Variants in TMEM266 observed in about 807,000 individuals in gnomAD.
TMEM266 encodes the protein Hv1 related protein 1.
Under a neutral mutation model 50.5 loss-of-function variants are expected in TMEM266, and 33 were observed. The ratio of observed to expected loss-of-function variants is 0.65; its 90% CI spans 0.50 to 0.87. TMEM266 has a LOEUF of 0.87. TMEM266 is among the 40% of genes least tolerant of loss of function. The probability of loss-of-function intolerance (pLI) is 0.00; values close to 1 mark genes in which losing one functional copy is unlikely to be tolerated. For missense variants in TMEM266, 655 were observed against 695.1 expected (o/e 0.94, Z 0.65); for synonymous variants, 310 against 292.3 (o/e 1.06, Z -0.62).
At chr15:76,127,507 A>G (rs1322609839) in intron 1 of TMEM266, among the ~76,000 whole-genome samples, 1 of 152,046 alleles carries the variant, frequency 6.6e-6, no homozygotes, top group South Asian at 2.1e-4. Flanking sequence ...TTGTATTTTT[A>G]GTAGAGATGA....
At chr15:76,118,284 G>A (rs974009459) in intron 1 of TMEM266, among the ~76,000 whole-genome samples, 7 of 152,196 alleles carry the variant, frequency 4.6e-5, no homozygotes, top group Admixed American at 2.6e-4. Context: ...ACTTGAGGCC[G>A]GGTGTGGTGG....
chr15:76,200,378 G>A (rs1278313632), intron 9 of TMEM266, among the ~76,000 whole-genome samples: 3 of 152,182 alleles, frequency 2.0e-5, no homozygotes, highest in African/African-American at 4.8e-5. Context: ...CCTCGCCAGC[G>A]CCATCGGGGT....
Position 76,169,802 on chromosome 15 carries a change from C to T in TMEM266, c.457-14C>T. ...GACCTGGAGAATAACCACTTTCTCA[C>T]TTCCTTTCCTCAGACTGTTCTACGG... On this transcript the variant is annotated splice_polypyrimidine_tract_variant and intron_variant, in intron 5 of 10. Coordinates refer to ENST00000388942, the MANE Select transcript of TMEM266 (RefSeq NM_152335.3). The T allele has an allele frequency of 1.9e-6, 3 of 1,613,162 alleles. No homozygotes were observed. Among genetic ancestry groups the T allele is most frequent in the South Asian group, 2.2e-5 (2 of 91,054 alleles).
chr15:76,149,613 C>T (rs1009109901), intron 3 of TMEM266, among the ~76,000 whole-genome samples: 3 of 152,088 alleles, frequency 2.0e-5, no homozygotes, highest in Non-Finnish European at 2.9e-5. Context: ...ATCTCCATTT[C>T]AGGGATTAGG....
At position 76,204,043 on chromosome 15, in the gene TMEM266, G is replaced by T; in HGVS notation, c.1324G>T (p.Asp442Tyr). 2 of 1,612,368 alleles carry T rather than the reference G, an allele frequency of 1.2e-6. No individual in the cohort carries two copies. The highest frequency in any genetic ancestry group is 1.7e-6 in the Non-Finnish European group (2 of 1,179,240). The change falls in exon 11 of 11, where the codon GAC becomes TAC. Residue 442 changes from aspartate (D) to tyrosine (Y), a missense_variant. Asp to Tyr is a radical substitution (Grantham distance 160, BLOSUM62 -3). Coordinates refer to ENST00000388942, the MANE Select transcript of TMEM266 (RefSeq NM_152335.3). Reference protein sequence around the residue: ...VQDLLSSLSEDPCPSQKALDP... With the variant: ...VQDLLSSLSEYPCPSQKALDP... ...GCAGGTGGAGGAGGCCACAGTCCAG[G>T]ACCTGCTGTCCTCCCTGTCGGAGGA...
intron 8 of TMEM266, among the ~76,000 whole-genome samples, chr15:76,182,666 CA>C (rs891280636): frequency 8.6e-5 from 13 of 151,780 alleles, no homozygotes; most frequent in African/African-American, 2.9e-4. Context: ...CAAAACAAAA[CA>C]AAAAAAACTA....
chr15:76,070,681 CTTA>C (rs1321230596), intron 1 of TMEM266, among the ~76,000 whole-genome samples: 4 of 152,242 alleles, frequency 2.6e-5, no homozygotes, highest in Non-Finnish European at 4.4e-5. Context: ...CTTTTCCATT[CTTA>C]TTAAGGATTC....
chr15:76,157,632 G>C (rs1193642622), intron 4 of TMEM266, among the ~76,000 whole-genome samples: 1 of 152,168 alleles, frequency 6.6e-6, no homozygotes, highest in African/African-American at 2.4e-5. Flanking sequence ...AGTGGTTTCT[G>C]GTACAGTTCC....
chr15:76,190,691 GAC>G (rs2038554583), intron 8 of TMEM266, among the ~76,000 whole-genome samples: 2 of 152,212 alleles, frequency 1.3e-5, no homozygotes, highest in African/African-American at 4.8e-5. Flanking sequence ...GGTTTGGAGA[GAC>G]AGTGAGGAGT....
At chr15:76,082,039 G>C (rs543823292) in intron 1 of TMEM266, among the ~76,000 whole-genome samples, 1 of 152,050 alleles carries the variant, frequency 6.6e-6, no homozygotes, top group Admixed American at 6.6e-5. Context: ...TGTCAGAACC[G>C]TATTTCCATG....
At chr15:76,072,525 G>A (rs1215323122) in intron 1 of TMEM266, among the ~76,000 whole-genome samples, 1 of 151,836 alleles carries the variant, frequency 6.6e-6, no homozygotes, top group Non-Finnish European at 1.5e-5. Flanking sequence ...CACAAACTAG[G>A]AGTGAGCCTC....
chr15:76,145,887 T>G (rs1049712458), intron 3 of TMEM266, among the ~76,000 whole-genome samples: 1 of 152,232 alleles, frequency 6.6e-6, no homozygotes, highest in African/African-American at 2.4e-5. Flanking sequence ...CCAGAGCCCC[T>G]GATTTCTTGT....
At chr15:76,084,506 T>G (rs1209121927) in intron 1 of TMEM266, among the ~76,000 whole-genome samples, 1 of 152,054 alleles carries the variant, frequency 6.6e-6, no homozygotes, top group Non-Finnish European at 1.5e-5. Context: ...AAGTGATGAG[T>G]TTGGGCAACT....
chr15:76,082,904 G>C (rs1010135563), intron 1 of TMEM266, among the ~76,000 whole-genome samples: 3 of 152,094 alleles, frequency 2.0e-5, no homozygotes, highest in Non-Finnish European at 4.4e-5. Flanking sequence ...AGGAGGAGGA[G>C]GTTGCAGTGA....
intron 3 of TMEM266, among the ~76,000 whole-genome samples, chr15:76,143,122 A>G (rs1219853584): frequency 6.6e-6 from 1 of 151,882 alleles, no homozygotes; most frequent in Admixed American, 6.6e-5. Context: ...GACCTGCCCC[A>G]TTCCTTGAGC....
chr15:76,190,927 G>A (rs2038558218), intron 8 of TMEM266, among the ~76,000 whole-genome samples: 2 of 152,164 alleles, frequency 1.3e-5, no homozygotes. Context: ...GGCGTGCGGG[G>A]AACACTAGGT....
At chr15:76,170,868 G>C (rs567903849) in intron 6 of TMEM266, 125 bp from the exon 7 acceptor site, 2 of 1,187,816 alleles carry the variant, frequency 1.7e-6, no homozygotes, top group Non-Finnish European at 2.3e-6. Flanking sequence ...CCGGGGTGGG[G>C]TGGCCTTCTG....
intron 8 of TMEM266, chr15:76,176,435 T>C (rs114974779): frequency 0.026 from 3,940 of 152,876 alleles, 158 homozygotes; most frequent in African/African-American, 0.091. Flanking sequence ...TCTGTAGAAG[T>C]GCAGCTCGGT....
intron 1 of TMEM266, among the ~76,000 whole-genome samples, chr15:76,080,138 G>A (rs935232565): frequency 1.3e-5 from 2 of 150,218 alleles, no homozygotes; most frequent in Admixed American, 1.3e-4. Flanking sequence ...AGGCCAAGAC[G>A]GGCAGATCAC....
Sources: allele counts gnomAD v4.1 joint callset (sites outside exome capture counted in the v4.1 genomes callset), GRCh38; gene constraint gnomAD v4.1.1; transcripts MANE v1.5; gene names NCBI Gene and HGNC (gene_info 2026-07-23, HGNC 2026-07-21).